Variants in STK40 observed in about 807,000 individuals in gnomAD.
STK40 encodes serine/threonine-protein kinase 40.
STK40 carries 13 observed loss-of-function variants against 47.9 expected under a neutral mutation model. That is an observed-to-expected ratio of 0.27 (90% CI 0.18 to 0.43). The LOEUF (loss-of-function observed/expected upper bound fraction) is 0.43, where lower values mean the gene tolerates loss of function less well. STK40 is among the 20% of genes least tolerant of loss of function. STK40 has a pLI of 1.00. For missense variants in STK40, 460 were observed against 595.1 expected (o/e 0.77, Z 2.36); for synonymous variants, 225 against 243.2 (o/e 0.93, Z 0.69).
chr1:36,365,380 C>T (rs1260423965), intron 1 of STK40, among the ~76,000 whole-genome samples: 1 of 152,218 alleles, frequency 6.6e-6, no homozygotes, highest in Admixed American at 6.5e-5. Context: ...CAGGTCTAAT[C>T]TACCAGGCTC....
At chr1:36,354,098 C>A (rs1646781804) in intron 6 of STK40, among the ~76,000 whole-genome samples, 1 of 152,070 alleles carries the variant, frequency 6.6e-6, no homozygotes, top group African/African-American at 2.4e-5. Flanking sequence ...TTTATGAGTA[C>A]CCACTAGGAG....
chr1:36,378,459 CTTT>C lies in STK40; in HGVS notation c.-9+7261_-9+7263del, dbSNP rs371665517. The stretch of plus-strand genomic sequence containing the variant: ...ACAAAGGACCTGGGAGGTGGTGGGG[CTTT>C]TTTTCTTTTTTTTTTGAGACGGAGT... On this transcript the variant is annotated intron_variant, in intron 1 of 10. Coordinates refer to ENST00000373132, the MANE Select transcript of STK40 (RefSeq NM_001282547.2). Among the ~76,000 whole-genome samples, 90 of 151,722 alleles carry C rather than the reference CTTT, an allele frequency of 5.9e-4. No individual in the cohort carries two copies. In the East Asian group the frequency reaches 8.5e-3, roughly 14 times the overall value.
chr1:36,370,945 C>T (rs936918999), intron 1 of STK40, among the ~76,000 whole-genome samples: 5 of 150,224 alleles, frequency 3.3e-5, no homozygotes, highest in Non-Finnish European at 5.9e-5. Context: ...GGCAAGATGT[C>T]GGCTCACTGC....
chr1:36,368,283 A>ATT (rs1491408440), intron 1 of STK40, among the ~76,000 whole-genome samples: 1 of 150,694 alleles, frequency 6.6e-6, no homozygotes, highest in Non-Finnish European at 1.5e-5. Context: ...CTATATATAT[A>ATT]TTTTTTTTCG....
At chr1:36,357,730 C>G (rs1270358481) in intron 4 of STK40, among the ~76,000 whole-genome samples, 2 of 152,202 alleles carry the variant, frequency 1.3e-5, no homozygotes, top group Non-Finnish European at 2.9e-5. Context: ...GATTCTCCTG[C>G]CTCAGCCTCC....
chr1:36,385,531 G>A (rs900170088), intron 1 of STK40, among the ~76,000 whole-genome samples, 192 bp downstream of exon 1: 2 of 152,122 alleles, frequency 1.3e-5, no homozygotes, highest in Non-Finnish European at 2.9e-5. Context: ...TACCCGGCGC[G>A]AGGCAGCCCT....
At chr1:36,358,942 G>T in intron 2 of STK40, 120 bp from the exon 3 acceptor site, 1 of 1,064,548 alleles carries the variant, frequency 9.4e-7, no homozygotes, top group South Asian at 1.4e-5. Flanking sequence ...CATGTGTACT[G>T]GACTGACCCT....
intron 10 of STK40, chr1:36,342,322 A>T (rs1646656982): frequency 3.1e-6 from 1 of 324,260 alleles, no homozygotes; most frequent in Non-Finnish European, 6.0e-6. Flanking sequence ...ATGCACGTCA[A>T]GAGGTACGAG....
At chr1:36,364,965 A>G (rs1463801616) in intron 1 of STK40, among the ~76,000 whole-genome samples, 1 of 149,070 alleles carries the variant, frequency 6.7e-6, no homozygotes, top group African/African-American at 2.5e-5. Context: ...AAATCCTCAC[A>G]TGCTATTGTT....
chr1:36,380,709 C>A (rs984532546), intron 1 of STK40, among the ~76,000 whole-genome samples: 2 of 152,146 alleles, frequency 1.3e-5, no homozygotes, highest in African/African-American at 4.8e-5. Flanking sequence ...GAAGATTTAT[C>A]GCTTTATAGA....
In STK40 at chr1:36,358,745, G is replaced by T; in HGVS notation, c.190C>A (p.Gln64Lys). 1 of 1,614,096 alleles carries T rather than the reference G, an allele frequency of 6.2e-7. No homozygotes were observed. Among genetic ancestry groups the T allele is most frequent in the Non-Finnish European group, 8.5e-7 (1 of 1,180,002 alleles). Residue 64 changes from glutamine (Q) to lysine (K), a missense_variant, in exon 3 of 11, where the codon CAG becomes AAG. Around this residue, in one of 3 missense-constraint regions of STK40, gnomAD observed 277 missense variants for 358.7 expected, o/e 0.77. Coordinates refer to ENST00000373132, the MANE Select transcript of STK40 (RefSeq NM_001282547.2). Reference sequence around the variant, plus strand: ...CCCCATGTCTCACTTACCTTCAGCTGATAGAAGTCATCCGTGCCATCTTTC... The same window carrying T: ...CCCCATGTCTCACTTACCTTCAGCTTATAGAAGTCATCCGTGCCATCTTTC... ...ARKDGTDDFY[Q>K]LKILTLEERG... is the part of the protein sequence containing the mutation.
Position 36,340,842 on chromosome 1 carries a change from G to A in STK40, c.*913C>T, listed in dbSNP as rs1646639736. The A allele has an allele frequency of 1.3e-5, 2 of 152,392 alleles. No individual in the cohort carries two copies. Among genetic ancestry groups the A allele is most frequent in the African/African-American group, 2.4e-5 (1 of 41,468 alleles). 9.4% of individuals were successfully genotyped at this position (152,392 alleles called of 1,614,324 possible). A position where few individuals can be genotyped will look rare whatever the true frequency, so the allele number is the denominator to read the frequency against. On this transcript the variant is annotated 3_prime_UTR_variant, in exon 11 of 11. Transcript: ENST00000373132. Reference sequence around the variant, plus strand: ...GAGCGTGCAGGCAGCCCCCGCTCACGGCCAGGCCTGCAGCCCAACCCATGG... The same window carrying A: ...GAGCGTGCAGGCAGCCCCCGCTCACAGCCAGGCCTGCAGCCCAACCCATGG...
chr1:36,364,421 T>C lies in STK40; in HGVS notation c.-8-3081A>G, dbSNP rs185698805. Among the ~76,000 whole-genome samples, 5 of 152,336 alleles carry C rather than the reference T, an allele frequency of 3.3e-5. No homozygotes were observed. The East Asian group carries it at 5.8e-4, about 18-fold the overall frequency. ...TTTCCTTACTCTTATAAATGGCTAA[T>C]TGGGTGGCCAACAAAAAGCATAGCA... On this transcript the variant is annotated intron_variant, in intron 1 of 10. Coordinates refer to ENST00000373132, the MANE Select transcript of STK40 (RefSeq NM_001282547.2).
chr1:36,367,758 G>T, intron 1 of STK40: 1 of 966,148 alleles, frequency 1.0e-6, no homozygotes, highest in Non-Finnish European at 1.2e-6. Context: ...AGGAGCTGAA[G>T]CCTGGCCAAG....
At chr1:36,353,713 T>C (rs561638637) in intron 6 of STK40, among the ~76,000 whole-genome samples, 2 of 152,324 alleles carry the variant, frequency 1.3e-5, no homozygotes, top group South Asian at 4.1e-4. Flanking sequence ...GCGCGGGCCA[T>C]CTGCAGGCCA....
chr1:36,348,811 G>A lies in STK40; in HGVS notation c.628C>T (p.His210Tyr). The part of the protein sequence containing the change: ...LGNMVLNKRT[H>Y]RITITNFCLG... ...CAGAAGTTGGTGATGGTTATCCGAT[G>A]TGTCCTAGGAGTGGGAGACAGAGTG... The change falls in exon 7 of 11, where the codon CAT becomes TAT. Residue 210 changes from histidine (H) to tyrosine (Y), a missense_variant. By Grantham distance (83) the His-to-Tyr change is moderately conservative. This residue lies in a region of STK40 where 277 missense variants were observed against 358.7 expected (regional missense o/e 0.77). Transcript: ENST00000373132. 2 of 1,602,536 alleles carry A rather than the reference G, an allele frequency of 1.2e-6. No homozygotes were observed. The highest frequency in any genetic ancestry group is 1.7e-6 in the Non-Finnish European group (2 of 1,174,062).
intron 1 of STK40, chr1:36,362,615 C>A (rs944192884): frequency 1.3e-5 from 2 of 152,324 alleles, no homozygotes; most frequent in African/African-American, 4.8e-5. Context: ...GAACTCCAGC[C>A]TGTTCCTGTA....
chr1:36,379,210 T>G (rs539094035), intron 1 of STK40, among the ~76,000 whole-genome samples: 75 of 152,290 alleles, frequency 4.9e-4, no homozygotes, highest in African/African-American at 1.7e-3. Context: ...TAAACATATT[T>G]AGAGGGGACA....
chr1:36,376,363 G>C (rs1557524553), intron 1 of STK40, among the ~76,000 whole-genome samples: 1 of 152,162 alleles, frequency 6.6e-6, no homozygotes, highest in Non-Finnish European at 1.5e-5. Context: ...AGCCCAGAAG[G>C]TATGCAGAAA....
Sources: gnomAD v4.1 joint callset for allele counts (sites outside exome capture counted in the v4.1 genomes callset) on GRCh38, gnomAD v4.1.1 for gene constraint, gnomAD v4.1.1 regional missense constraint, MANE v1.5 for transcripts, NCBI Gene and HGNC (gene_info 2026-07-23, HGNC 2026-07-21) for gene names.